TARS3: variants seen among roughly 807,000 people sequenced by gnomAD.
TARS3 encodes threonyl-tRNA synthetase 3, also known as threonine--tRNA ligase 2, cytoplasmic.
A neutral mutation model predicts 103.5 loss-of-function variants in TARS3; 94 were observed. That is an observed-to-expected ratio of 0.91 (90% CI 0.77 to 1.08). The LOEUF (loss-of-function observed/expected upper bound fraction) is 1.08. Ranked by LOEUF, TARS3 falls within the 50% of genes least tolerant of loss-of-function variation. The pLI is 0.00. For missense variants in TARS3, 952 were observed against 995.2 expected (o/e 0.96, Z 0.58); for synonymous variants, 416 against 355.4 (o/e 1.17, Z -1.92).
intron 10 of TARS3, among the ~76,000 whole-genome samples, chr15:101,697,007 G>A (rs1899014705): frequency 6.6e-6 from 1 of 152,148 alleles, no homozygotes; most frequent in Non-Finnish European, 1.5e-5. Flanking sequence ...TAACATGCAT[G>A]TTTGCTTACT....
chr15:101,696,898 C>T (rs535591506), intron 10 of TARS3, among the ~76,000 whole-genome samples: 5 of 152,302 alleles, frequency 3.3e-5, no homozygotes, highest in Admixed American at 1.3e-4. Flanking sequence ...TTTATAAAGG[C>T]TGCACATGGG....
At chr15:101,672,883 G>C (rs969575600) in intron 13 of TARS3, among the ~76,000 whole-genome samples, 1 of 152,154 alleles carries the variant, frequency 6.6e-6, no homozygotes, top group Non-Finnish European at 1.5e-5. Context: ...TCCTACAGCA[G>C]ATACCAAGTG....
chr15:101,666,842 G>A (rs187617580), intron 15 of TARS3, among the ~76,000 whole-genome samples: 8 of 152,268 alleles, frequency 5.3e-5, no homozygotes, highest in African/African-American at 1.9e-4. Context: ...ATAATATAAT[G>A]TTCTCCTCCT....
At chr15:101,654,812 T>TA (rs1897137690) in intron 18 of TARS3, 82 bp from the exon 19 acceptor site, 1 of 1,363,676 alleles carries the variant, frequency 7.3e-7, no homozygotes, top group Non-Finnish European at 1.0e-6. Flanking sequence ...GACATGTTTT[T>TA]ATCAAGTTTT....
At chr15:101,672,083 C>T (rs369180491) in intron 13 of TARS3, among the ~76,000 whole-genome samples, 31 of 152,242 alleles carry the variant, frequency 2.0e-4, no homozygotes, top group African/African-American at 7.5e-4. Context: ...CAGCTTCTGC[C>T]TCCTGGTGAC....
intron 10 of TARS3, among the ~76,000 whole-genome samples, chr15:101,692,741 C>T (rs544544038): frequency 3.9e-5 from 6 of 152,346 alleles, no homozygotes; most frequent in African/African-American, 1.4e-4. Flanking sequence ...CCTGGGCGCT[C>T]TATCATCCCT....
intron 17 of TARS3, 129 bp from the exon 18 acceptor site, chr15:101,657,165 C>T (rs1398911367): frequency 1.5e-5 from 9 of 589,854 alleles, no homozygotes; most frequent in Admixed American, 6.4e-5. Flanking sequence ...AGCGGGTCTG[C>T]GTGACCATAA....
intron 16 of TARS3, among the ~76,000 whole-genome samples, chr15:101,659,787 C>T (rs1424279781): frequency 6.6e-6 from 1 of 152,234 alleles, no homozygotes; most frequent in African/African-American, 2.4e-5. Context: ...TTTGGCTTAA[C>T]TGTAACTTCA....
intron 12 of TARS3, among the ~76,000 whole-genome samples, chr15:101,679,719 G>A (rs751837404): frequency 7.9e-5 from 12 of 151,986 alleles, no homozygotes; most frequent in African/African-American, 2.4e-4. Flanking sequence ...GGACATTTTC[G>A]GTTTTATAGT....
At chr15:101,698,112 G>A (rs765953813) in intron 10 of TARS3, among the ~76,000 whole-genome samples, 30 of 152,086 alleles carry the variant, frequency 2.0e-4, no homozygotes, top group Non-Finnish European at 3.8e-4. Context: ...TGAGGCAGGC[G>A]GATCACGAAG....
intron 6 of TARS3, among the ~76,000 whole-genome samples, chr15:101,708,056 C>A (rs1182706665): frequency 6.6e-6 from 1 of 151,782 alleles, no homozygotes; most frequent in African/African-American, 2.4e-5. Context: ...CCAGCCTGGC[C>A]AACATGGCAA....
At chr15:101,714,540 A>G (rs1900033800) in intron 4 of TARS3, 1 of 136,822 alleles carries the variant, frequency 7.3e-6, no homozygotes, top group Non-Finnish European at 1.4e-5. Flanking sequence ...GGGGAGGTTG[A>G]GGCTGCAGTG....
chr15:101,664,553 C>T (rs1307026356), intron 15 of TARS3: 2 of 152,168 alleles, frequency 1.3e-5, no homozygotes, highest in Non-Finnish European at 2.9e-5. Context: ...ACTATAAAGG[C>T]TTCGATAACT....
chr15:101,661,275 T>C (rs912341857), intron 16 of TARS3, among the ~76,000 whole-genome samples: 5 of 151,934 alleles, frequency 3.3e-5, no homozygotes, highest in African/African-American at 7.3e-5. Flanking sequence ...GTTTACATGT[T>C]TTCCTCCTCA....
At chr15:101,686,472 TTAAACA>T in intron 10 of TARS3, among the ~76,000 whole-genome samples, 1 of 152,292 alleles carries the variant, frequency 6.6e-6, no homozygotes, top group Middle Eastern at 3.4e-3. Flanking sequence ...TTATTTAGTT[TTAAACA>T]GAAATAAGAA....
intron 10 of TARS3, among the ~76,000 whole-genome samples, chr15:101,688,927 C>G (rs1046234379): frequency 3.3e-5 from 5 of 152,270 alleles, no homozygotes; most frequent in Admixed American, 3.3e-4. Context: ...TTCAGATACC[C>G]AGTCCTATGT....
At chr15:101,681,990 G>A (rs749261518) in intron 12 of TARS3, among the ~76,000 whole-genome samples, 111 of 152,074 alleles carry the variant, frequency 7.3e-4, no homozygotes, top group Non-Finnish European at 1.2e-3. Context: ...TTTGTATGTT[G>A]ATATTCCATA....
chr15:101,675,940 G>A (rs1168578752), intron 12 of TARS3, among the ~76,000 whole-genome samples: 3 of 151,948 alleles, frequency 2.0e-5, no homozygotes, highest in Non-Finnish European at 4.4e-5. Context: ...AGGAGTAGGC[G>A]AGGGAACCGT....
Position 101,657,848 on chromosome 15 carries a change from C to T in TARS3, c.2082G>A (p.Trp694Ter), listed in dbSNP as rs1312657761. The T allele has an allele frequency of 1.9e-6, 3 of 1,599,004 alleles. No individual in the cohort carries two copies. Among genetic ancestry groups the T allele is most frequent in the South Asian group, 1.1e-5 (1 of 88,730 alleles). Residue 694 changes from tryptophan (W) to a stop codon, truncating the protein, a stop_gained, in exon 17 of 19, where the codon TGG becomes TGA. Transcript: ENST00000335968. LOFTEE classifies it high-confidence loss of function. ...TGACCATCACCTGACGAGGAGATAG[C>T]CAGAAAGGCCTGAAAAATATATATA... ...SENYGGKWPF[W>*]LSPRQVMVIP...
Sources: allele counts gnomAD v4.1 joint callset (sites outside exome capture counted in the v4.1 genomes callset), GRCh38; gene constraint gnomAD v4.1.1; transcripts MANE v1.5; gene names NCBI Gene and HGNC (gene_info 2026-07-23, HGNC 2026-07-21).